Variants in FCHO2 observed in about 807,000 individuals in gnomAD.
The protein encoded by FCHO2 is F-BAR domain only protein 2.
Under a neutral mutation model 114.1 loss-of-function variants are expected in FCHO2, and 43 were observed. The observed-to-expected ratio is 0.38, with a 90% CI of 0.30 to 0.49. The LOEUF is 0.49. Among genes scored for constraint, FCHO2 ranks in the 20% least tolerant of loss-of-function variants. FCHO2 has a pLI of 0.97. For missense variants in FCHO2, 807 were observed against 950.4 expected (o/e 0.85, Z 1.98); for synonymous variants, 293 against 315.2 (o/e 0.93, Z 0.75).
At chr5:73,025,022 G>A (rs978606873) in intron 8 of FCHO2, among the ~76,000 whole-genome samples, 2 of 152,150 alleles carry the variant, frequency 1.3e-5, no homozygotes, top group East Asian at 1.9e-4. Flanking sequence ...ATGGGCTTTC[G>A]TAGAGTCACT....
At chr5:73,012,941 T>C (rs1179896677) in intron 6 of FCHO2, among the ~76,000 whole-genome samples, 1 of 152,196 alleles carries the variant, frequency 6.6e-6, no homozygotes, top group Non-Finnish European at 1.5e-5. Context: ...TTGTTGAGTG[T>C]AGCTTTTTCA....
At position 72,963,812 on chromosome 5, in the gene FCHO2, A is replaced by G. The variant is rs144126263; in HGVS notation, c.34-4686A>G. On this transcript the variant is annotated intron_variant, in intron 1 of 25. Coordinates refer to ENST00000430046, the MANE Select transcript of FCHO2 (RefSeq NM_138782.3). ...GGGATCCTCCTGCCTCAGCCTCCCA[A>G]AGTGCTGGGATTCCAAGTGTGAGCC... is the stretch of plus-strand genomic sequence containing the variant. Among the ~76,000 whole-genome samples the G allele has an allele frequency of 3.2e-3, 482 of 151,826 alleles. 2 individuals are homozygous for G. The highest frequency in any genetic ancestry group is 6.8e-3 in the Middle Eastern group (2 of 294).
intron 20 of FCHO2, among the ~76,000 whole-genome samples, chr5:73,075,813 T>G (rs1742883803): frequency 2.0e-5 from 3 of 152,122 alleles, no homozygotes; most frequent in Admixed American, 2.0e-4. Context: ...TGTCAAGATT[T>G]GTTGGAGGCA....
At chr5:73,067,282 T>C (rs1742398531) in intron 18 of FCHO2, among the ~76,000 whole-genome samples, 1 of 152,068 alleles carries the variant, frequency 6.6e-6, no homozygotes. Flanking sequence ...ATAGGAGAAA[T>C]GTCCCACAGT....
intron 19 of FCHO2, among the ~76,000 whole-genome samples, chr5:73,071,511 C>T (rs1002948815): frequency 6.6e-6 from 1 of 151,914 alleles, no homozygotes; most frequent in South Asian, 2.1e-4. Context: ...ATACCTGTTA[C>T]ATACCTCAAG....
intron 2 of FCHO2, among the ~76,000 whole-genome samples, chr5:72,980,772 T>A (rs998465513): frequency 2.0e-5 from 3 of 151,964 alleles, no homozygotes; most frequent in South Asian, 2.1e-4. Context: ...CAACCCCTGC[T>A]TTTTTTTGCT....
At chr5:73,077,194 A>C (rs1028697820) in intron 20 of FCHO2, 144 bp from the exon 21 acceptor site, 1 of 516,394 alleles carries the variant, frequency 1.9e-6, no homozygotes. Flanking sequence ...AAAATAATCT[A>C]TAGTTATGAT....
chr5:72,976,581 A>T lies in FCHO2; in HGVS notation c.125+7992A>T, dbSNP rs541839125. ...AGGTATCTGTTAAGGTCTTTGGCTC[A>T]TTTTTGTTTTTAATATGGTTGTTTG... is the stretch of plus-strand genomic sequence containing the variant. On this transcript the variant is annotated intron_variant, in intron 2 of 25. Transcript: ENST00000430046. Among the ~76,000 whole-genome samples, 163 of 151,962 alleles carry T rather than the reference A, an allele frequency of 1.1e-3. 1 individual carries two copies. The highest frequency in any genetic ancestry group is 3.9e-3 in the African/African-American group (161 of 41,432).
chr5:72,977,995 A>G (rs1752979927), intron 2 of FCHO2, among the ~76,000 whole-genome samples: 1 of 152,220 alleles, frequency 6.6e-6, no homozygotes, highest in African/African-American at 2.4e-5. Flanking sequence ...TTTTGGTACC[A>G]GTACCATGCT....
intron 1 of FCHO2, among the ~76,000 whole-genome samples, chr5:72,961,096 A>G (rs1408409928): frequency 6.6e-6 from 1 of 152,186 alleles, no homozygotes; most frequent in Admixed American, 6.5e-5. Flanking sequence ...AATTAAATTG[A>G]AACATTGGTT....
At chr5:73,007,805 T>C (rs538211831) in intron 6 of FCHO2, among the ~76,000 whole-genome samples, 150 of 152,288 alleles carry the variant, frequency 9.8e-4, no homozygotes, top group Non-Finnish European at 1.8e-3. Context: ...TAAATTATTA[T>C]AAGTATTGCA....
At chr5:72,971,252 T>G (rs1051014348) in intron 2 of FCHO2, among the ~76,000 whole-genome samples, 6 of 152,166 alleles carry the variant, frequency 3.9e-5, no homozygotes, top group African/African-American at 1.4e-4. Context: ...TATTTCTAGT[T>G]CTAGATCCCT....
intron 2 of FCHO2, among the ~76,000 whole-genome samples, chr5:72,985,772 G>T (rs2112656553): frequency 6.6e-6 from 1 of 152,200 alleles, no homozygotes; most frequent in East Asian, 1.9e-4. Flanking sequence ...TTGCTTTCAA[G>T]ATTTATTTTG....
chr5:72,969,584 A>G (rs919651107), intron 2 of FCHO2, among the ~76,000 whole-genome samples: 6 of 152,102 alleles, frequency 3.9e-5, no homozygotes, highest in East Asian at 1.9e-4. Context: ...CTTCCCCTAC[A>G]CTTCACTACT....
chr5:73,020,767 A>T, intron 8 of FCHO2: 1 of 1,064,754 alleles, frequency 9.4e-7, no homozygotes, highest in Non-Finnish European at 1.5e-6. Context: ...AAATTCTGTG[A>T]GAGATATGGC....
In FCHO2 at chr5:73,070,730, G is replaced by T. The variant is rs1284182466; in HGVS notation, c.1579+1951G>T. Among the ~76,000 whole-genome samples, 4 of 151,946 alleles carry T rather than the reference G, an allele frequency of 2.6e-5. No individual in the cohort carries two copies. In the East Asian group the frequency reaches 7.7e-4, roughly 29 times the overall value. ...TGACAGTGATAATACAGGCAAGGCA[G>T]GTTGTATGTGAATTTTATACAACAA... is the stretch of plus-strand genomic sequence containing the variant. On this transcript the variant is annotated intron_variant, in intron 19 of 25. Coordinates refer to ENST00000430046, the MANE Select transcript of FCHO2 (RefSeq NM_138782.3).
At chr5:72,968,973 G>A (rs559269048) in intron 2 of FCHO2, among the ~76,000 whole-genome samples, 6 of 152,200 alleles carry the variant, frequency 3.9e-5, no homozygotes, top group African/African-American at 1.4e-4. Flanking sequence ...TTGTGTTTTT[G>A]TAACTTTTAT....
intron 8 of FCHO2, among the ~76,000 whole-genome samples, chr5:73,033,802 A>C (rs952397027): frequency 3.3e-5 from 5 of 152,184 alleles, no homozygotes; most frequent in African/African-American, 1.2e-4. Context: ...CACACTGCCA[A>C]ATAATTTGAT....
intron 8 of FCHO2, among the ~76,000 whole-genome samples, chr5:73,029,552 G>A (rs1006246260): frequency 6.6e-6 from 1 of 152,130 alleles, no homozygotes; most frequent in Non-Finnish European, 1.5e-5. Context: ...CCATTCTAGT[G>A]TTGCTAAAAA....
Sources: gnomAD v4.1 joint callset for allele counts (sites outside exome capture counted in the v4.1 genomes callset) on GRCh38, gnomAD v4.1.1 for gene constraint, MANE v1.5 for transcripts, NCBI Gene and HGNC (gene_info 2026-07-23, HGNC 2026-07-21) for gene names.